MCCC2: variants seen among roughly 807,000 people sequenced by gnomAD.
MCCC2 encodes the protein methylcrotonoyl-CoA carboxylase beta chain, mitochondrial.
A neutral mutation model predicts 77.2 loss-of-function variants in MCCC2; 52 were observed. That is an observed-to-expected ratio of 0.67 (90% CI 0.54 to 0.85). MCCC2 has a LOEUF of 0.85. Ranked by LOEUF, MCCC2 falls within the 40% of genes least tolerant of loss-of-function variation. The pLI is 0.00. For missense variants in MCCC2, 682 were observed against 703.2 expected, an observed-to-expected ratio of 0.97 and a Z score of 0.34; for synonymous variants, 253 against 248.4, an observed-to-expected ratio of 1.02 and a Z score of -0.18.
intron 16 of MCCC2, among the ~76,000 whole-genome samples, chr5:71,654,421 T>C (rs1747527488): frequency 6.6e-6 from 1 of 152,216 alleles, no homozygotes; most frequent in Admixed American, 6.5e-5. Context: ...TTATAGTCTT[T>C]GAGAGCTAAA....
At position 71,656,758 on chromosome 5, in the gene MCCC2, G is replaced by A; in HGVS notation, c.1590G>A (p.Gly530=). The change falls in exon 17 of 17, where the codon GGG becomes GGA. Residue 530 remains glycine (G), a synonymous_variant. Transcript: ENST00000340941. ...CTTTTGTCAGGGTATGGGATGATGG[G>A]ATCATTGATCCAGCAGACACCAGAC... ...YYSSARVWDD[G]IIDPADTRLV... is the part of the protein sequence containing the mutation. 6.2e-7 allele frequency: 1 copy of A among 1,613,806 alleles called. No homozygotes were observed. Among genetic ancestry groups the A allele is most frequent in the Non-Finnish European group, 8.5e-7 (1 of 1,179,754 alleles).
chr5:71,637,573 T>C (rs1476008028), intron 10 of MCCC2, among the ~76,000 whole-genome samples: 1 of 152,204 alleles, frequency 6.6e-6, no homozygotes, highest in Non-Finnish European at 1.5e-5. Context: ...AGCCAACTAA[T>C]CAGGGTAGAG....
chr5:71,602,731 A>C, intron 5 of MCCC2, 98 bp downstream of exon 5: 9 of 1,534,194 alleles, frequency 5.9e-6, no homozygotes, highest in Non-Finnish European at 7.2e-6. Flanking sequence ...GGTATTTTAT[A>C]AACCTGTTGA....
chr5:71,608,819 C>T (rs1745797054), intron 6 of MCCC2, among the ~76,000 whole-genome samples: 1 of 152,164 alleles, frequency 6.6e-6, no homozygotes. Flanking sequence ...ATTTCTCCTT[C>T]ACTTATGAAG....
intron 13 of MCCC2, among the ~76,000 whole-genome samples, chr5:71,646,552 G>T (rs1178283575): frequency 6.6e-6 from 1 of 152,178 alleles, no homozygotes; most frequent in African/African-American, 2.4e-5. Context: ...GTAAGACGTA[G>T]TTTCACCCAG....
chr5:71,637,862 G>A (rs1050620002), intron 10 of MCCC2, among the ~76,000 whole-genome samples: 4 of 152,084 alleles, frequency 2.6e-5, no homozygotes, highest in East Asian at 3.9e-4. Flanking sequence ...ACAGGTGCCC[G>A]CCACTGCGCC....
intron 12 of MCCC2, among the ~76,000 whole-genome samples, chr5:71,644,485 A>G (rs960149838): frequency 2.6e-4 from 39 of 152,016 alleles, no homozygotes; most frequent in Non-Finnish European, 5.9e-5. Context: ...ATTTAATTCA[A>G]TCCTCCAAGA....
At chr5:71,635,631 A>T in intron 10 of MCCC2, 1 of 352,942 alleles carries the variant, frequency 2.8e-6, no homozygotes, top group Non-Finnish European at 5.5e-6. Flanking sequence ...GGAAGAAAAA[A>T]CATACCCTTT....
intron 10 of MCCC2, among the ~76,000 whole-genome samples, chr5:71,638,302 T>C (rs1207694106): frequency 6.6e-6 from 1 of 152,236 alleles, no homozygotes. Flanking sequence ...CATTGAAATC[T>C]TGAACCCCTC....
rs144203670 is a variant in MCCC2, at chr5:71,635,242, G to A, written c.995G>A (p.Arg332Gln). The A allele has an allele frequency of 8.0e-5, 129 of 1,613,788 alleles. No individual in the cohort carries two copies. The African/African-American group carries it at 1.5e-3, about 19-fold the overall frequency. Residue 332 changes from arginine (R) to glutamine (Q), a missense_variant, in exon 10 of 17, where the codon CGA becomes CAA. Transcript: ENST00000340941. ...AACCTTAAGAGGAGCTTTGATGTCC[G>A]AGAGGTATGTGAAAGTGGAACTGTG... ...GANLKRSFDV[R>Q]EVIARIVDGS...
chr5:71,638,279 A>G (rs1746998646), intron 10 of MCCC2, among the ~76,000 whole-genome samples: 1 of 152,198 alleles, frequency 6.6e-6, no homozygotes, highest in Non-Finnish European at 1.5e-5. Flanking sequence ...ACCACATCTG[A>G]AGTGACTTCA....
At chr5:71,641,100 A>G (rs779672153) in intron 11 of MCCC2, 25 bp downstream of exon 11, 9 of 1,594,388 alleles carry the variant, frequency 5.6e-6, no homozygotes, top group Non-Finnish European at 7.7e-6. Context: ...AATTGAAAAT[A>G]CGAACATTTT....
At chr5:71,610,165 G>C (rs1460394998) in intron 6 of MCCC2, among the ~76,000 whole-genome samples, 1 of 152,230 alleles carries the variant, frequency 6.6e-6, no homozygotes, top group Non-Finnish European at 1.5e-5. Context: ...CCCTCCCCCA[G>C]CCTCGCTGCC....
intron 7 of MCCC2, among the ~76,000 whole-genome samples, chr5:71,627,312 A>C (rs1401330825): frequency 6.6e-6 from 1 of 152,192 alleles, no homozygotes; most frequent in Non-Finnish European, 1.5e-5. Flanking sequence ...TGGGTGTACA[A>C]ATTTCTATTC....
chr5:71,599,928 G>A (rs998877453), intron 4 of MCCC2, among the ~76,000 whole-genome samples, 168 bp downstream of exon 4: 1 of 152,234 alleles, frequency 6.6e-6, no homozygotes, highest in African/African-American at 2.4e-5. Context: ...CACTTTGGGA[G>A]GCTGAGGTGG....
chr5:71,588,227 C>G (rs1744838180), intron 1 of MCCC2, among the ~76,000 whole-genome samples: 3 of 150,144 alleles, frequency 2.0e-5, no homozygotes. Context: ...TGAGATCGTG[C>G]CATTGCACTC....
chr5:71,656,206 C>T (rs1012709845), intron 16 of MCCC2, among the ~76,000 whole-genome samples: 7 of 151,802 alleles, frequency 4.6e-5, no homozygotes, highest in African/African-American at 1.2e-4. Flanking sequence ...GGTGACAGAG[C>T]GAGACTCCAT....
rs752533493 is a variant in MCCC2, at chr5:71,650,164, G to T, written c.1469G>T (p.Arg490Ile). 6 of 1,614,162 alleles carry T rather than the reference G, an allele frequency of 3.7e-6. No homozygotes were observed. The highest frequency in any genetic ancestry group is 3.4e-6 in the Non-Finnish European group (4 of 1,179,990). ...TTGGCCACGATAACAAAGGACCAAA[G>T]AGCCCGGGAAGGAAAGCAGGTCGGT... Reference protein sequence around the residue: ...NVLATITKDQRAREGKQFSSA... With the variant: ...NVLATITKDQIAREGKQFSSA... Residue 490 changes from arginine (R) to isoleucine (I), a missense_variant, in exon 15 of 17, where the codon AGA (arginine) becomes ATA (isoleucine). Coordinates refer to ENST00000340941, the MANE Select transcript of MCCC2 (RefSeq NM_022132.5).
chr5:71,593,877 G>T (rs1745076419), intron 2 of MCCC2, among the ~76,000 whole-genome samples: 1 of 152,104 alleles, frequency 6.6e-6, no homozygotes, highest in Non-Finnish European at 1.5e-5. Flanking sequence ...CTGGATCTCA[G>T]GAGTATAAAA....
Sources: allele counts gnomAD v4.1 joint callset (sites outside exome capture counted in the v4.1 genomes callset), GRCh38; gene constraint gnomAD v4.1.1; transcripts MANE v1.5; gene names NCBI Gene and HGNC (gene_info 2026-07-23, HGNC 2026-07-21).